Variants in COBLL1 observed in about 807,000 individuals in gnomAD.
COBLL1 encodes cordon-bleu WH2 repeat protein like 1, also known as cordon-bleu protein-like 1.
A neutral mutation model predicts 94.8 loss-of-function variants in COBLL1; 50 were observed. That is an observed-to-expected ratio of 0.53 (90% CI 0.42 to 0.67). The LOEUF (loss-of-function observed/expected upper bound fraction) is 0.67. Among genes scored for constraint, COBLL1 ranks in the 30% least tolerant of loss-of-function variants. The pLI is 0.00. For missense variants in COBLL1, 1,362 were observed against 1,348.7 expected, an observed-to-expected ratio of 1.01 and a Z score of -0.15; for synonymous variants, 448 against 473.8, an observed-to-expected ratio of 0.95 and a Z score of 0.71.
intron 2 of COBLL1, among the ~76,000 whole-genome samples, chr2:164,789,020 AACACACACACACACACAC>A (rs56773751): frequency 2.8e-5 from 4 of 141,562 alleles, no homozygotes; most frequent in East Asian, 4.2e-4. Flanking sequence ...TAGAGGTTTA[AACACACACACACACACAC>A]ACACACACAC....
intron 2 of COBLL1, among the ~76,000 whole-genome samples, chr2:164,812,218 G>A (rs1684495407): frequency 6.6e-6 from 1 of 151,924 alleles, no homozygotes; most frequent in Admixed American, 6.6e-5. Context: ...AGCCAGTCAA[G>A]AACACTTGAA....
At chr2:164,816,134 C>G (rs765551230) in intron 2 of COBLL1, among the ~76,000 whole-genome samples, 15 of 151,674 alleles carry the variant, frequency 9.9e-5, no homozygotes, top group Non-Finnish European at 1.8e-4. Flanking sequence ...AGAAGAAATG[C>G]ATTTGGTTTG....
At chr2:164,803,913 T>C (rs1050539291) in intron 2 of COBLL1, among the ~76,000 whole-genome samples, 3 of 151,964 alleles carry the variant, frequency 2.0e-5, no homozygotes, top group Admixed American at 2.0e-4. Context: ...AGAAAACATC[T>C]TCTTGAAGGA....
intron 2 of COBLL1, among the ~76,000 whole-genome samples, chr2:164,786,575 A>G (rs945873078): frequency 6.6e-6 from 1 of 152,176 alleles, no homozygotes; most frequent in Non-Finnish European, 1.5e-5. Context: ...AGCTCAAACA[A>G]CAGTCAGTGA....
chr2:164,795,717 G>A (rs1391025357), intron 2 of COBLL1, among the ~76,000 whole-genome samples: 8 of 152,056 alleles, frequency 5.3e-5, no homozygotes, highest in African/African-American at 1.4e-4. Context: ...TAATACATCC[G>A]TAGTCTTAGA....
intron 2 of COBLL1, among the ~76,000 whole-genome samples, chr2:164,761,064 C>T (rs1160582150): frequency 6.6e-6 from 1 of 152,138 alleles, no homozygotes; most frequent in Non-Finnish European, 1.5e-5. Flanking sequence ...AGTCAAGAAG[C>T]TGTCACAGAT....
chr2:164,829,751 C>T (rs1010243789), intron 2 of COBLL1, among the ~76,000 whole-genome samples: 20 of 151,984 alleles, frequency 1.3e-4, no homozygotes, highest in African/African-American at 3.6e-4. Flanking sequence ...AATATAAATA[C>T]TTTAAAATTT....
In COBLL1 at chr2:164,700,482, A is replaced by C. The variant is rs149965463; in HGVS notation, c.1460+40T>G. The C allele has an allele frequency of 4.6e-3, 5,955 of 1,280,904 alleles. 32 individuals carry two copies. The highest frequency in any genetic ancestry group is 0.022 in the African/African-American group (1,473 of 67,154). The allele number at this position is 1,280,904 out of a possible 1,614,324, so 79.3% of individuals were successfully genotyped here. ...TATTTCAGAAGACTAGTATTAATTA[A>C]ACTAACGGCCACCAACACTCCAGCA... On this transcript the variant is annotated intron_variant, in intron 10 of 13. Transcript: ENST00000652658.
At chr2:164,727,518 T>C (rs1685773598) in intron 5 of COBLL1, among the ~76,000 whole-genome samples, 1 of 152,036 alleles carries the variant, frequency 6.6e-6, no homozygotes. Context: ...GTGTTGACCT[T>C]AGGAAAAATT....
At chr2:164,733,659 GA>G (rs1686138469) in intron 3 of COBLL1, among the ~76,000 whole-genome samples, 1 of 152,154 alleles carries the variant, frequency 6.6e-6, no homozygotes, top group African/African-American at 2.4e-5. Context: ...GGAAACAACT[GA>G]ATTTTCAGTA....
chr2:164,704,596 A>G, intron 8 of COBLL1, 78 bp from the exon 9 acceptor site: 1 of 1,225,638 alleles, frequency 8.2e-7, no homozygotes, highest in South Asian at 1.2e-5. Flanking sequence ...ACTTAGTTAT[A>G]TAGTTCAGAA....
intron 2 of COBLL1, among the ~76,000 whole-genome samples, chr2:164,791,642 C>T (rs1683194445): frequency 6.6e-6 from 1 of 152,202 alleles, no homozygotes; most frequent in African/African-American, 2.4e-5. Flanking sequence ...GGCTCCCTTA[C>T]ATCCAGACAT....
At chr2:164,753,331 T>A (rs1687217907) in intron 2 of COBLL1, among the ~76,000 whole-genome samples, 1 of 152,192 alleles carries the variant, frequency 6.6e-6, no homozygotes, top group Non-Finnish European at 1.5e-5. Context: ...AAGCCATTCA[T>A]CACTTCAGGC....
intron 2 of COBLL1, among the ~76,000 whole-genome samples, chr2:164,745,275 C>T (rs1686806473): frequency 6.6e-6 from 1 of 152,064 alleles, no homozygotes; most frequent in South Asian, 2.1e-4. Flanking sequence ...AAATAACAAG[C>T]CCTTAACTCT....
chr2:164,824,193 T>C (rs1179344880), intron 2 of COBLL1, among the ~76,000 whole-genome samples: 3 of 151,942 alleles, frequency 2.0e-5, no homozygotes, highest in Non-Finnish European at 4.4e-5. Flanking sequence ...ACCAGCCTGA[T>C]CAACATGGAG....
At chr2:164,811,760 T>C (rs1015304615) in intron 2 of COBLL1, among the ~76,000 whole-genome samples, 29 of 151,670 alleles carry the variant, frequency 1.9e-4, no homozygotes, top group Admixed American at 1.9e-3. Flanking sequence ...TTATCAAGAC[T>C]AGAAATACAT....
intron 4 of COBLL1, among the ~76,000 whole-genome samples, chr2:164,728,548 G>A (rs1685829502): frequency 6.6e-6 from 1 of 151,762 alleles, no homozygotes; most frequent in Non-Finnish European, 1.5e-5. Flanking sequence ...ACAAAATTAT[G>A]TATATTTTAT....
At chr2:164,662,137 G>T (rs1691078045) in intron 2 of COBLL1, among the ~76,000 whole-genome samples, 1 of 152,164 alleles carries the variant, frequency 6.6e-6, no homozygotes, top group Non-Finnish European at 1.5e-5. Context: ...AAGTTAGATG[G>T]AGCCAGAAGT....
chr2:164,771,839 A>G (rs1688219825), intron 2 of COBLL1: 1 of 151,958 alleles, frequency 6.6e-6, no homozygotes, highest in Non-Finnish European at 1.5e-5. Context: ...AAAGTCATCC[A>G]GTTCTAAAGA....
Sources: allele counts gnomAD v4.1 joint callset (sites outside exome capture counted in the v4.1 genomes callset), GRCh38; gene constraint gnomAD v4.1.1; transcripts MANE v1.5; gene names NCBI Gene and HGNC (gene_info 2026-07-23, HGNC 2026-07-21).